EPB41L2: variants seen among roughly 807,000 people sequenced by gnomAD.
EPB41L2 encodes the protein band 4.1-like protein 2.
A neutral mutation model predicts 113.0 loss-of-function variants in EPB41L2; 43 were observed. The ratio of observed to expected loss-of-function variants is 0.38; its 90% CI spans 0.30 to 0.49. The LOEUF is 0.49. Ranked by LOEUF, EPB41L2 falls within the 20% of genes least tolerant of loss-of-function variation. The pLI, the probability that EPB41L2 is intolerant of heterozygous loss-of-function variation, is 0.95. For synonymous variants in EPB41L2, 442 were observed against 436.7 expected (o/e 1.01, Z -0.15); for missense variants, 1,147 against 1,223.4 (o/e 0.94, Z 0.93).
chr6:131,028,179 A>C (rs1202224632), intron 1 of EPB41L2, among the ~76,000 whole-genome samples: 1 of 152,212 alleles, frequency 6.6e-6, no homozygotes, highest in Admixed American at 6.5e-5. Flanking sequence ...CTAAGAATTA[A>C]CGTGTTTTAA....
chr6:131,043,228 G>A (rs940915126), intron 1 of EPB41L2, among the ~76,000 whole-genome samples: 1 of 152,114 alleles, frequency 6.6e-6, no homozygotes, highest in African/African-American at 2.4e-5. Flanking sequence ...TTGAACCCGG[G>A]ATGCAGAGGT....
chr6:130,900,915 A>G, intron 7 of EPB41L2, 47 bp downstream of exon 7: 1 of 1,587,734 alleles, frequency 6.3e-7, no homozygotes, highest in Admixed American at 1.7e-5. Flanking sequence ...AAGAGAAGCT[A>G]TTTAAATCTC....
chr6:130,987,716 AAT>A lies in EPB41L2; in HGVS notation c.-14-31219_-14-31218del, dbSNP rs1409816390. On this transcript the variant is annotated intron_variant, in intron 1 of 19. Transcript: ENST00000337057. ...TCATAAATGAATGAATGAATGAATG[AAT>A]GAATGAATGAATGAATGTTGTTCTG... 2.0e-5 allele frequency among the ~76,000 whole-genome samples: 3 copies of A among 151,762 alleles called. No individual in the cohort carries two copies. The East Asian group carries it at 5.8e-4, about 29-fold the overall frequency.
rs1215682297 is a variant in EPB41L2 at position 131,016,111 on chromosome 6, G to T, written c.-15+47044C>A. 1.4e-4 allele frequency among the ~76,000 whole-genome samples: 22 copies of T among 151,958 alleles called. 1 individual carries two copies. Among genetic ancestry groups the T allele is most frequent in the Admixed American group, 1.4e-3 (22 of 15,284 alleles). Reference sequence around the variant, plus strand: ...TGGGCTGAACAATTCCCAGTAGCTTGTGGCTAAAGAAATCTTCTATGAGAA... The same window carrying T: ...TGGGCTGAACAATTCCCAGTAGCTTTTGGCTAAAGAAATCTTCTATGAGAA... On this transcript the variant is annotated intron_variant, in intron 1 of 19. Coordinates refer to ENST00000337057, the MANE Select transcript of EPB41L2 (RefSeq NM_001431.4).
intron 14 of EPB41L2, among the ~76,000 whole-genome samples, chr6:130,873,808 G>C (rs994813638): frequency 7.2e-5 from 11 of 152,064 alleles, no homozygotes; most frequent in African/African-American, 2.7e-4. Flanking sequence ...CGCTCCTAAG[G>C]GGCCCCTTCA....
chr6:130,901,212 G>C (rs377542063), intron 6 of EPB41L2, 32 bp from the exon 7 acceptor site: 159 of 1,589,648 alleles, frequency 1.0e-4, no homozygotes, highest in Non-Finnish European at 6.9e-5. Flanking sequence ...ATGGGTCAGG[G>C]GAGAACCATT....
At chr6:131,049,446 CT>C (rs1206447169) in intron 1 of EPB41L2, among the ~76,000 whole-genome samples, 1 of 152,164 alleles carries the variant, frequency 6.6e-6, no homozygotes, top group East Asian at 1.9e-4. Context: ...TCCTTTTTCT[CT>C]TTAAGAGAAG....
At chr6:130,929,173 G>C (rs182559671) in intron 3 of EPB41L2, among the ~76,000 whole-genome samples, 1 of 152,186 alleles carries the variant, frequency 6.6e-6, no homozygotes, top group Non-Finnish European at 1.5e-5. Flanking sequence ...AGCACATGTT[G>C]AGAGAGCGAT....
intron 1 of EPB41L2, among the ~76,000 whole-genome samples, chr6:130,987,092 C>A (rs1780737341): frequency 6.6e-6 from 1 of 152,090 alleles, no homozygotes; most frequent in African/African-American, 2.4e-5. Flanking sequence ...ATATTAAATT[C>A]TATGGCTATA....
chr6:130,848,738 C>T (rs969460157), intron 19 of EPB41L2, among the ~76,000 whole-genome samples: 1 of 152,202 alleles, frequency 6.6e-6, no homozygotes, highest in Admixed American at 6.5e-5. Flanking sequence ...CAAAAACACA[C>T]ACATACACAA....
intron 3 of EPB41L2, among the ~76,000 whole-genome samples, chr6:130,931,560 TATAAC>T (rs1431596104): frequency 6.6e-6 from 1 of 152,174 alleles, no homozygotes; most frequent in African/African-American, 2.4e-5. Context: ...TGTTCCAAGT[TATAAC>T]ATTTATAGCA....
chr6:130,853,670 T>A (rs2128414679), intron 19 of EPB41L2, among the ~76,000 whole-genome samples: 1 of 152,248 alleles, frequency 6.6e-6, no homozygotes, highest in East Asian at 1.9e-4. Context: ...AGGTTGTTCT[T>A]TTACCATCTT....
At chr6:130,890,169 C>T in intron 11 of EPB41L2, 125 bp downstream of exon 11, 1 of 950,344 alleles carries the variant, frequency 1.1e-6, no homozygotes. Flanking sequence ...ATTTTATTTA[C>T]TCGGGAAAAA....
intron 1 of EPB41L2, among the ~76,000 whole-genome samples, chr6:131,014,987 T>C (rs1193820043): frequency 1.3e-5 from 2 of 152,192 alleles, no homozygotes; most frequent in Non-Finnish European, 2.9e-5. Flanking sequence ...TGCTTGCCTA[T>C]ATCTAGGTAC....
intron 1 of EPB41L2, among the ~76,000 whole-genome samples, chr6:130,968,007 C>T (rs986458880): frequency 6.6e-6 from 1 of 152,106 alleles, no homozygotes; most frequent in Non-Finnish European, 1.5e-5. Flanking sequence ...CAGATGCCAG[C>T]GAGTCTATTT....
At chr6:131,050,838 T>C (rs1378144534) in intron 1 of EPB41L2, among the ~76,000 whole-genome samples, 1 of 152,178 alleles carries the variant, frequency 6.6e-6, no homozygotes, top group African/African-American at 2.4e-5. Flanking sequence ...AAATGATCTG[T>C]CCGCCTTGGC....
At chr6:130,987,629 G>T (rs879468003) in intron 1 of EPB41L2, among the ~76,000 whole-genome samples, 6 of 152,086 alleles carry the variant, frequency 3.9e-5, no homozygotes, top group African/African-American at 1.4e-4. Context: ...GGAGGCAGAG[G>T]CTGCAGTAAG....
At chr6:130,933,293 T>C (rs1184938926) in intron 3 of EPB41L2, among the ~76,000 whole-genome samples, 2 of 152,188 alleles carry the variant, frequency 1.3e-5, no homozygotes, top group Non-Finnish European at 2.9e-5. Flanking sequence ...TCTAATAATA[T>C]GATATCAAGT....
rs1298381252 is a variant in EPB41L2 at position 130,839,846 on chromosome 6, G to C, written c.*758C>G. 6.6e-6 allele frequency: 1 copy of C among 152,202 alleles called. No individual in the cohort carries two copies. Among genetic ancestry groups the C allele is most frequent in the Non-Finnish European group, 1.5e-5 (1 of 68,042 alleles). 9.4% of individuals were successfully genotyped at this position (152,202 alleles called of 1,614,324 possible). A position where few individuals can be genotyped will look rare whatever the true frequency, so the allele number is the denominator to read the frequency against. ...CCTCCTGTTCTGGAATGCTGCCGAA[G>C]GGCATGTGTCTGACAAGCATTGGCA... is the stretch of plus-strand genomic sequence containing the variant. On this transcript the variant is annotated 3_prime_UTR_variant, in exon 20 of 20. Transcript: ENST00000337057.
Sources: gnomAD v4.1 joint callset for allele counts (sites outside exome capture counted in the v4.1 genomes callset) on GRCh38, gnomAD v4.1.1 for gene constraint, MANE v1.5 for transcripts, NCBI Gene and HGNC (gene_info 2026-07-23, HGNC 2026-07-21) for gene names.